Variants in SCARA5 observed in about 807,000 individuals in gnomAD.
SCARA5 encodes the protein scavenger receptor class A member 5, also known as scavenger receptor class A, member 5 (putative).
Under a neutral mutation model 46.3 loss-of-function variants are expected in SCARA5, and 45 were observed. The observed-to-expected ratio is 0.97, with a 90% CI of 0.76 to 1.24. The LOEUF is 1.24. Ranked by LOEUF, SCARA5 falls within the 50% of genes most tolerant of loss-of-function variation. SCARA5 has a pLI of 0.00. For missense variants in SCARA5, 680 were observed against 689.0 expected, an observed-to-expected ratio of 0.99 and a Z score of 0.15; for synonymous variants, 333 against 306.5, an observed-to-expected ratio of 1.09 and a Z score of -0.90.
chr8:27,988,250 GGGA>G (rs1563203286), intron 1 of SCARA5, among the ~76,000 whole-genome samples: 6 of 152,206 alleles, frequency 3.9e-5, no homozygotes, highest in African/African-American at 9.6e-5. Context: ...CCGAGGAGCA[GGGA>G]GCCTCTGAAG....
chr8:27,971,329 AG>A (rs1321658020), intron 2 of SCARA5, among the ~76,000 whole-genome samples: 1 of 152,230 alleles, frequency 6.6e-6, no homozygotes, highest in Non-Finnish European at 1.5e-5. Context: ...ACAATTCACC[AG>A]GGTGTGAAGG....
intron 3 of SCARA5, 40 bp from the exon 4 acceptor site, chr8:27,922,285 G>A: frequency 6.8e-7 from 1 of 1,461,112 alleles, no homozygotes; most frequent in South Asian, 1.4e-5. Context: ...CACCGCTGGG[G>A]AGGAAGGCCC....
At chr8:27,888,830 G>A (rs1477939928) in intron 7 of SCARA5, among the ~76,000 whole-genome samples, 1 of 152,168 alleles carries the variant, frequency 6.6e-6, no homozygotes, top group African/African-American at 2.4e-5. Flanking sequence ...TGGTTTCACT[G>A]TGTAACCCTA....
At chr8:27,971,051 T>C (rs1027951393) in intron 2 of SCARA5, among the ~76,000 whole-genome samples, 1 of 152,218 alleles carries the variant, frequency 6.6e-6, no homozygotes, top group Non-Finnish European at 1.5e-5. Context: ...GAGACTTTGT[T>C]AGCGTCATTC....
intron 4 of SCARA5, among the ~76,000 whole-genome samples, chr8:27,918,241 C>T (rs970436426): frequency 6.6e-6 from 1 of 152,208 alleles, no homozygotes; most frequent in African/African-American, 2.4e-5. Context: ...GGGACTTCCT[C>T]CCTGAGCCTC....
chr8:27,906,732 G>A (rs1265203400), intron 6 of SCARA5, among the ~76,000 whole-genome samples: 1 of 152,200 alleles, frequency 6.6e-6, no homozygotes, highest in Non-Finnish European at 1.5e-5. Flanking sequence ...TTAGAGATGA[G>A]CTCTTGCTCT....
At chr8:27,987,658 G>A (rs1808724739) in intron 1 of SCARA5, 28 bp from the exon 2 acceptor site, 1 of 1,379,882 alleles carries the variant, frequency 7.2e-7, no homozygotes, top group South Asian at 1.2e-5. Context: ...GGGGAGGAGA[G>A]GGAGGACGAA....
At chr8:27,874,011 G>A (rs148440628) in intron 8 of SCARA5, among the ~76,000 whole-genome samples, 1,899 of 152,304 alleles carry the variant, frequency 0.012, 45 homozygotes, top group African/African-American at 0.043. Context: ...GATCATGCCA[G>A]CTTGGGTGAC....
intron 3 of SCARA5, among the ~76,000 whole-genome samples, chr8:27,926,663 C>A (rs1483943817): frequency 1.3e-5 from 2 of 152,098 alleles, no homozygotes; most frequent in Non-Finnish European, 2.9e-5. Flanking sequence ...ATAATCTAGA[C>A]CTTAACTATT....
chr8:27,888,928 C>T (rs1806939108), intron 7 of SCARA5, among the ~76,000 whole-genome samples: 1 of 152,198 alleles, frequency 6.6e-6, no homozygotes, highest in Non-Finnish European at 1.5e-5. Flanking sequence ...TCAAGGGGCT[C>T]ATTGTTTCAC....
Position 27,885,121 on chromosome 8 carries a change from C to T in SCARA5, c.1154-5355G>A, listed in dbSNP as rs560567860. 1.3e-4 allele frequency among the ~76,000 whole-genome samples: 20 copies of T among 151,638 alleles called. No individual in the cohort carries two copies. The South Asian group carries it at 2.7e-3, about 21-fold the overall frequency. The stretch of plus-strand genomic sequence containing the variant: ...GAGAGAGGGCAGGCACCATCTTGGA[C>T]AGGTGGACAAGGGAGGGAATGAGAG... On this transcript the variant is annotated intron_variant, in intron 7 of 8. Coordinates refer to ENST00000354914, the MANE Select transcript of SCARA5 (RefSeq NM_173833.6).
chr8:27,884,408 C>T (rs961816162), intron 7 of SCARA5, among the ~76,000 whole-genome samples: 59 of 152,242 alleles, frequency 3.9e-4, no homozygotes, highest in African/African-American at 8.4e-4. Flanking sequence ...GGGACCCGGC[C>T]GCTGCGCGGG....
chr8:27,888,279 G>A (rs1806929868), intron 7 of SCARA5, among the ~76,000 whole-genome samples: 2 of 152,300 alleles, frequency 1.3e-5, no homozygotes, highest in South Asian at 4.1e-4. Context: ...GAAAATTCCA[G>A]GCACCTAGCT....
chr8:27,921,970 G>A lies in SCARA5; in HGVS notation c.517C>T (p.Arg173Cys), dbSNP rs893207135. The change falls in exon 4 of 9, where the codon CGC (arginine) becomes TGC (cysteine). Residue 173 changes from arginine (R) to cysteine (C), a missense_variant. This residue lies in a region of SCARA5 where 438 missense variants were observed against 384.5 expected (regional missense o/e 1.14). Coordinates refer to ENST00000354914, the MANE Select transcript of SCARA5 (RefSeq NM_173833.6). ...TEQAVALLRD[R>C]TGQQSDTAQL... Reference sequence around the variant, plus strand: ...GCCGTGTCGCTCTGCTGGCCCGTGCGGTCCCGCAGCAGGGCCACCGCCTGC... The same window carrying A: ...GCCGTGTCGCTCTGCTGGCCCGTGCAGTCCCGCAGCAGGGCCACCGCCTGC... The A allele has an allele frequency of 3.9e-6, 6 of 1,543,382 alleles. No individual in the cohort carries two copies. In the Admixed American group the frequency reaches 9.5e-5, roughly 24 times the overall value.
At chr8:27,947,701 T>C (rs1025622200) in intron 3 of SCARA5, among the ~76,000 whole-genome samples, 1 of 137,466 alleles carries the variant, frequency 7.3e-6, no homozygotes, top group African/African-American at 2.8e-5. Flanking sequence ...CGAAACCGTG[T>C]CTCTACTAAA....
At chr8:27,921,189 G>A (rs1366069613) in intron 4 of SCARA5, among the ~76,000 whole-genome samples, 1 of 152,114 alleles carries the variant, frequency 6.6e-6, no homozygotes, top group Non-Finnish European at 1.5e-5. Context: ...CTCTACTCCC[G>A]GCCTGAGCCA....
At chr8:27,908,409 T>G (rs182793987) in intron 5 of SCARA5, among the ~76,000 whole-genome samples, 3 of 152,328 alleles carry the variant, frequency 2.0e-5, no homozygotes, top group Admixed American at 6.5e-5. Flanking sequence ...CCTGGCCCCA[T>G]GAGGCCTGGC....
intron 5 of SCARA5, among the ~76,000 whole-genome samples, chr8:27,909,365 T>A (rs1467067017): frequency 6.6e-6 from 1 of 152,044 alleles, no homozygotes; most frequent in Admixed American, 6.5e-5. Flanking sequence ...CATCTCCAAC[T>A]CCTTCTGCAT....
At chr8:27,965,881 CCTT>C (rs1224121508) in intron 3 of SCARA5, among the ~76,000 whole-genome samples, 16 of 152,230 alleles carry the variant, frequency 1.1e-4, no homozygotes, top group Non-Finnish European at 1.5e-4. Flanking sequence ...CATGAGCTCT[CCTT>C]CTCCATGGCT....
Sources: allele counts gnomAD v4.1 joint callset (sites outside exome capture counted in the v4.1 genomes callset), GRCh38; gene constraint gnomAD v4.1.1; regional missense constraint gnomAD v4.1.1; transcripts MANE v1.5; gene names NCBI Gene and HGNC (gene_info 2026-07-23, HGNC 2026-07-21).